NPAS3: variants seen among roughly 807,000 people sequenced by gnomAD.
NPAS3 encodes the protein neuronal PAS domain-containing protein 3.
In NPAS3, 14 loss-of-function variants were observed where a neutral mutation model predicts 73.1. That is an observed-to-expected ratio of 0.19 (90% CI 0.13 to 0.30). The LOEUF (loss-of-function observed/expected upper bound fraction) is 0.30. Ranked by LOEUF, NPAS3 falls within the 10% of genes least tolerant of loss-of-function variation. The pLI, the probability that NPAS3 is intolerant of heterozygous loss-of-function variation, is 1.00. For synonymous variants in NPAS3, 620 were observed against 541.5 expected (o/e 1.14, Z -2.01); for missense variants, 1,096 against 1,250.0 (o/e 0.88, Z 1.86).
intron 4 of NPAS3, among the ~76,000 whole-genome samples, chr14:33,400,630 T>C (rs1239943256): frequency 1.3e-5 from 2 of 152,194 alleles, no homozygotes; most frequent in Non-Finnish European, 2.9e-5. Context: ...ATAAACAACA[T>C]AACCAGGGAC....
chr14:33,513,432 C>A (rs897062263), intron 4 of NPAS3, among the ~76,000 whole-genome samples: 2 of 151,970 alleles, frequency 1.3e-5, no homozygotes, highest in Non-Finnish European at 2.9e-5. Flanking sequence ...TTGCTAAGCA[C>A]CTTGTATGAT....
intron 1 of NPAS3, among the ~76,000 whole-genome samples, chr14:32,998,121 C>T (rs182403086): frequency 3.5e-4 from 53 of 152,306 alleles, no homozygotes; most frequent in Non-Finnish European, 4.4e-5. Flanking sequence ...AAGGCAAAAA[C>T]AGCCCAAATG....
intron 4 of NPAS3, among the ~76,000 whole-genome samples, chr14:33,388,849 T>C (rs1414220336): frequency 6.6e-6 from 1 of 152,144 alleles, no homozygotes; most frequent in African/African-American, 2.4e-5. Context: ...GCCTATTTCA[T>C]AGGAGTGACA....
At chr14:33,136,328 C>G (rs565498346) in intron 2 of NPAS3, among the ~76,000 whole-genome samples, 14 of 151,296 alleles carry the variant, frequency 9.3e-5, no homozygotes, top group African/African-American at 3.2e-4. Flanking sequence ...CAAAGTGCTG[C>G]GATTACAGGT....
intron 4 of NPAS3, among the ~76,000 whole-genome samples, chr14:33,471,136 G>T (rs552589763): frequency 1.3e-5 from 2 of 152,258 alleles, no homozygotes; most frequent in Non-Finnish European, 2.9e-5. Flanking sequence ...CTTGTACAGT[G>T]CTCTGTGCAT....
At chr14:33,574,780 G>T (rs2139839819) in intron 5 of NPAS3, among the ~76,000 whole-genome samples, 1 of 152,288 alleles carries the variant, frequency 6.6e-6, no homozygotes, top group South Asian at 2.1e-4. Context: ...GCATGAACCT[G>T]AGAAATAAGT....
chr14:33,554,856 C>T (rs1299039667), intron 4 of NPAS3, among the ~76,000 whole-genome samples: 4 of 152,034 alleles, frequency 2.6e-5, no homozygotes, highest in Non-Finnish European at 5.9e-5. Flanking sequence ...AGTATACCTT[C>T]AGTCATGGAC....
At chr14:33,216,889 G>C (rs558249334) in intron 3 of NPAS3, among the ~76,000 whole-genome samples, 2 of 151,986 alleles carry the variant, frequency 1.3e-5, no homozygotes, top group Admixed American at 6.6e-5. Flanking sequence ...AGGCACATTC[G>C]AGTTGTCCTT....
chr14:33,665,871 C>T (rs1184382112), intron 5 of NPAS3, among the ~76,000 whole-genome samples: 1 of 151,786 alleles, frequency 6.6e-6, no homozygotes. Flanking sequence ...AAAAAAAAAT[C>T]GTCCACCATA....
At chr14:33,166,214 A>C (rs1183552181) in intron 2 of NPAS3, among the ~76,000 whole-genome samples, 1 of 152,224 alleles carries the variant, frequency 6.6e-6, no homozygotes, top group African/African-American at 2.4e-5. Flanking sequence ...TGTTTAATCA[A>C]GGGGCTTCAC....
At chr14:32,974,671 C>T (rs1247433694) in intron 1 of NPAS3, among the ~76,000 whole-genome samples, 1 of 152,108 alleles carries the variant, frequency 6.6e-6, no homozygotes, top group East Asian at 1.9e-4. Flanking sequence ...ATGGATACCT[C>T]AGCTCTATCA....
intron 1 of NPAS3, among the ~76,000 whole-genome samples, chr14:32,967,380 T>C (rs1655708188): frequency 6.6e-6 from 1 of 152,200 alleles, no homozygotes; most frequent in Admixed American, 6.5e-5. Context: ...GGGCTATTAG[T>C]AGTTAAGTCT....
At chr14:33,447,075 G>C (rs919725703) in intron 4 of NPAS3, among the ~76,000 whole-genome samples, 4 of 152,242 alleles carry the variant, frequency 2.6e-5, no homozygotes, top group African/African-American at 9.6e-5. Flanking sequence ...CTCACAATCT[G>C]TGGAGAGAGA....
chr14:33,726,927 C>A (rs972884181), intron 6 of NPAS3, among the ~76,000 whole-genome samples: 1 of 152,098 alleles, frequency 6.6e-6, no homozygotes, highest in Non-Finnish European at 1.5e-5. Context: ...GTGACACTTG[C>A]GTACCAATGG....
chr14:33,734,915 C>T (rs1036375242), intron 6 of NPAS3, among the ~76,000 whole-genome samples: 9 of 152,262 alleles, frequency 5.9e-5, no homozygotes, highest in Non-Finnish European at 1.2e-4. Flanking sequence ...GTGCACCAGC[C>T]CAGCCTCAAG....
At chr14:33,309,324 G>A (rs947916376) in intron 3 of NPAS3, among the ~76,000 whole-genome samples, 3 of 152,136 alleles carry the variant, frequency 2.0e-5, no homozygotes, top group Admixed American at 6.6e-5. Context: ...TGACTAGGCC[G>A]TCAGCCCCTC....
chr14:33,233,382 GT>G (rs1226800347), intron 3 of NPAS3, among the ~76,000 whole-genome samples: 1 of 152,150 alleles, frequency 6.6e-6, no homozygotes, highest in Non-Finnish European at 1.5e-5. Context: ...TATATTATAG[GT>G]TTGTTTTGGA....
intron 3 of NPAS3, among the ~76,000 whole-genome samples, chr14:33,345,377 A>T (rs574381528): frequency 6.6e-6 from 1 of 152,358 alleles, no homozygotes; most frequent in South Asian, 2.1e-4. Context: ...TTAAAAATAA[A>T]TGTAGAATGT....
chr14:33,429,787 A>G (rs2048706070), intron 4 of NPAS3, among the ~76,000 whole-genome samples: 1 of 152,190 alleles, frequency 6.6e-6, no homozygotes, highest in African/African-American at 2.4e-5. Flanking sequence ...GTTGGATGTT[A>G]TGATGATATG....
Sources: gnomAD v4.1 joint callset for allele counts (sites outside exome capture counted in the v4.1 genomes callset) on GRCh38, gnomAD v4.1.1 for gene constraint, MANE v1.5 for transcripts, NCBI Gene and HGNC (gene_info 2026-07-23, HGNC 2026-07-21) for gene names.